Variants in CREM observed in about 807,000 individuals in gnomAD.
CREM encodes cAMP responsive element modulator.
In CREM, 13 loss-of-function variants were observed where a neutral mutation model predicts 37.3. The observed-to-expected ratio is 0.35, with a 90% CI of 0.23 to 0.55. The LOEUF (loss-of-function observed/expected upper bound fraction) is 0.55. Ranked by LOEUF, CREM falls within the 20% of genes least tolerant of loss-of-function variation. The probability of loss-of-function intolerance (pLI) is 0.88; values close to 1 mark genes in which losing one functional copy is unlikely to be tolerated. For missense variants in CREM, 296 were observed against 362.3 expected (o/e 0.82, Z 1.49); for synonymous variants, 124 against 120.2 (o/e 1.03, Z -0.21).
At chr10:35,176,270 T>C (rs1395678660) in intron 3 of CREM, among the ~76,000 whole-genome samples, 1 of 152,202 alleles carries the variant, frequency 6.6e-6, no homozygotes, top group African/African-American at 2.4e-5. Context: ...ACTTTGTTGT[T>C]CTGTGTTCAA....
intron 6 of CREM, among the ~76,000 whole-genome samples, chr10:35,205,693 T>C (rs1564996776): frequency 6.6e-6 from 1 of 151,996 alleles, no homozygotes; most frequent in Non-Finnish European, 1.5e-5. Context: ...GCGTGGTGGC[T>C]CACGCCTGTA....
chr10:35,151,588 G>T (rs1462326102), intron 3 of CREM, among the ~76,000 whole-genome samples: 1 of 152,194 alleles, frequency 6.6e-6, no homozygotes, highest in African/African-American at 2.4e-5. Flanking sequence ...TGGCCAGGCT[G>T]GTTTTGAACT....
intron 7 of CREM, among the ~76,000 whole-genome samples, chr10:35,207,762 A>C (rs921757228): frequency 6.7e-6 from 1 of 149,326 alleles, no homozygotes; most frequent in Non-Finnish European, 1.5e-5. Flanking sequence ...TGACAGTGAG[A>C]CTCCGTCTTA....
At chr10:35,175,619 GGCACCAAAAGCGATAAGGA>G (rs2094020445) in intron 3 of CREM, 2 of 1,570,964 alleles carry the variant, frequency 1.3e-6, no homozygotes, top group South Asian at 2.2e-5. Flanking sequence ...CCGAAGTATG[GGCACCAAAAGCGATAAGGA>G]GCATGTGTTC....
At chr10:35,206,417 G>A (rs111729861) in intron 6 of CREM, among the ~76,000 whole-genome samples, 2,863 of 152,234 alleles carry the variant, frequency 0.019, 96 homozygotes, top group African/African-American at 0.065. Context: ...TGTTTTGTCT[G>A]TATGCTGTGC....
intron 5 of CREM, among the ~76,000 whole-genome samples, chr10:35,187,171 TA>T (rs1238724714): frequency 2.9e-4 from 12 of 42,032 alleles, no homozygotes; most frequent in African/African-American, 8.4e-4. Flanking sequence ...TATTATATAT[TA>T]ATATTAATAT....
At position 35,148,384 on chromosome 10, in the gene CREM, A is replaced by T; in HGVS notation, c.61A>T (p.Thr21Ser). ...TCTTTTCAGACAAATGACCATGGAAACAGTTGAATCCCAGCATGATGGAAG... is the reference window on the plus strand; with the variant it reads ...TCTTTTCAGACAAATGACCATGGAATCAGTTGAATCCCAGCATGATGGAAG... The part of the protein sequence containing the change: ...KTNPRQMTME[T>S]VESQHDGSIT... Residue 21 changes from threonine (T) to serine (S), a missense_variant, in exon 3 of 8, where the codon ACA becomes TCA. Physicochemically the swap from Thr to Ser is moderately conservative, Grantham distance 58. Around this residue, in one of 2 missense-constraint regions of CREM, gnomAD observed 257 missense variants for 280.2 expected, o/e 0.92. Coordinates refer to ENST00000685392, the MANE Select transcript of CREM (RefSeq NM_183011.2). 1 of 1,611,934 alleles carries T rather than the reference A, an allele frequency of 6.2e-7. No homozygotes were observed.
At chr10:35,168,902 G>T (rs928248776) in intron 3 of CREM, among the ~76,000 whole-genome samples, 3 of 152,116 alleles carry the variant, frequency 2.0e-5, no homozygotes, top group Non-Finnish European at 4.4e-5. Context: ...AAGATCAGAT[G>T]GTTGTAGATG....
chr10:35,195,226 A>G, intron 6 of CREM: 2 of 1,613,848 alleles, frequency 1.2e-6, no homozygotes, highest in Non-Finnish European at 1.7e-6. Flanking sequence ...TAAGAATGTT[A>G]AAGAGGGGTT....
At chr10:35,192,003 A>C (rs2094937451) in intron 6 of CREM, among the ~76,000 whole-genome samples, 3 of 152,190 alleles carry the variant, frequency 2.0e-5, no homozygotes, top group African/African-American at 7.2e-5. Flanking sequence ...GTCACTGTGT[A>C]GATTCTTCTG....
intron 3 of CREM, among the ~76,000 whole-genome samples, chr10:35,170,478 C>T (rs1386648882): frequency 6.6e-6 from 1 of 152,174 alleles, no homozygotes; most frequent in African/African-American, 2.4e-5. Flanking sequence ...AGGAATGGTA[C>T]CAGCTCCTCC....
intron 6 of CREM, chr10:35,196,207 C>G: frequency 8.8e-7 from 1 of 1,130,928 alleles, no homozygotes; most frequent in Non-Finnish European, 1.3e-6. Context: ...TCCTCTTACT[C>G]CATCTATAGG....
At chr10:35,190,227 G>A (rs1485442643) in intron 6 of CREM, among the ~76,000 whole-genome samples, 1 of 152,188 alleles carries the variant, frequency 6.6e-6, no homozygotes, top group Non-Finnish European at 1.5e-5. Context: ...TCTTCCACAA[G>A]TCACAAAGAT....
At chr10:35,196,605 T>G (rs1185797460) in intron 6 of CREM, 1 of 153,162 alleles carries the variant, frequency 6.5e-6, no homozygotes, top group African/African-American at 2.4e-5. Flanking sequence ...TCTCGAAGTT[T>G]TGTGAAGTTC....
intron 2 of CREM, among the ~76,000 whole-genome samples, chr10:35,144,545 G>A (rs906744478): frequency 1.3e-5 from 2 of 152,176 alleles, no homozygotes; most frequent in Middle Eastern, 3.4e-3. Context: ...AAATTCTGTA[G>A]TATTGACAAA....
At position 35,178,882 on chromosome 10, in the gene CREM, A is replaced by G. The variant is rs754834962; in HGVS notation, c.169-7A>G. ...TATGATACATTTCAGAAAATCTTGT[A>G]TTATAGGTAGCAGCAATTGCAGAGA... On this transcript the variant is annotated splice_region_variant and splice_polypyrimidine_tract_variant and intron_variant, in intron 3 of 7. Transcript: ENST00000685392. 1.2e-6 allele frequency: 2 copies of G among 1,600,618 alleles called. No individual in the cohort carries two copies. The highest frequency in any genetic ancestry group is 1.7e-6 in the Non-Finnish European group (2 of 1,172,582).
At position 35,127,145 on chromosome 10, in the gene CREM, G is replaced by C. The variant is rs2135184298; in HGVS notation, c.-103G>C. The C allele has an allele frequency of 6.5e-6, 1 of 152,814 alleles. No individual in the cohort carries two copies. Among genetic ancestry groups the C allele is most frequent in the East Asian group, 1.9e-4 (1 of 5,174 alleles). The allele number at this position is 152,814 out of a possible 1,614,324, so 9.5% of individuals were successfully genotyped here. A position where few individuals can be genotyped will look rare whatever the true frequency, so the allele number is the denominator to read the frequency against. On this transcript the variant is annotated 5_prime_UTR_variant, in exon 1 of 8. Transcript: ENST00000685392. The stretch of plus-strand genomic sequence containing the variant: ...TCGGGCTCGCCGTCTCCACCTCCTC[G>C]CGTCCGTAATCAGTGACGAGGTCCG...
intron 3 of CREM, among the ~76,000 whole-genome samples, chr10:35,150,735 C>G (rs2092539633): frequency 6.6e-6 from 1 of 152,090 alleles, no homozygotes; most frequent in African/African-American, 2.4e-5. Flanking sequence ...GCACGAGAAT[C>G]ACTTGAACCC....
intron 1 of CREM, among the ~76,000 whole-genome samples, chr10:35,136,602 C>A (rs2090559894): frequency 1.3e-5 from 2 of 152,114 alleles, no homozygotes; most frequent in Non-Finnish European, 2.9e-5. Flanking sequence ...GTTTGATAAA[C>A]CTGCCTGCTG....
Sources: gnomAD v4.1 joint callset for allele counts (sites outside exome capture counted in the v4.1 genomes callset) on GRCh38, gnomAD v4.1.1 for gene constraint, gnomAD v4.1.1 regional missense constraint, MANE v1.5 for transcripts, NCBI Gene and HGNC (gene_info 2026-07-23, HGNC 2026-07-21) for gene names.